The following PKP2 variants were observed in gnomAD, a reference collection of about 807,000 sequenced individuals.
The protein encoded by PKP2 is plakophilin-2.
Under a neutral mutation model 83.4 loss-of-function variants are expected in PKP2, and 73 were observed. The observed-to-expected ratio is 0.88, with a 90% CI of 0.72 to 1.06. PKP2 has a LOEUF of 1.06. PKP2 is among the 50% of genes least tolerant of loss of function. The pLI is 0.00. For synonymous variants in PKP2, 409 were observed against 430.4 expected (o/e 0.95, Z 0.62); for missense variants, 966 against 1,065.4 (o/e 0.91, Z 1.30).
At chr12:32,796,377 G>A (rs1592726531) in intron 10 of PKP2, 79 bp from the exon 11 acceptor site, 1 of 1,250,652 alleles carries the variant, frequency 8.0e-7, no homozygotes, top group East Asian at 2.5e-5. Flanking sequence ...TATTTTGGGT[G>A]AAGAACATTC....
At chr12:32,874,672 A>G (rs1321750285) in intron 3 of PKP2, among the ~76,000 whole-genome samples, 1 of 152,186 alleles carries the variant, frequency 6.6e-6, no homozygotes, top group Non-Finnish European at 1.5e-5. Context: ...TTGAGCAACA[A>G]AAGAACCTAG....
intron 5 of PKP2, among the ~76,000 whole-genome samples, chr12:32,845,317 C>G (rs1956635015): frequency 6.6e-6 from 1 of 151,986 alleles, no homozygotes; most frequent in Admixed American, 6.6e-5. Context: ...TCTGGGAGGC[C>G]GAGGGGGGCG....
chr12:32,817,043 G>C (rs1956326700), intron 9 of PKP2, among the ~76,000 whole-genome samples: 1 of 152,114 alleles, frequency 6.6e-6, no homozygotes, highest in African/African-American at 2.4e-5. Flanking sequence ...TAGGTTGTCT[G>C]TTTACTCTGT....
intron 3 of PKP2, among the ~76,000 whole-genome samples, chr12:32,877,241 A>T (rs1956940339): frequency 6.6e-6 from 1 of 152,244 alleles, no homozygotes; most frequent in South Asian, 2.1e-4. Context: ...CCAAACACTA[A>T]ATTAGTCAAG....
chr12:32,814,879 C>A (rs538814534), intron 9 of PKP2, among the ~76,000 whole-genome samples: 1 of 151,830 alleles, frequency 6.6e-6, no homozygotes, highest in Admixed American at 6.6e-5. Flanking sequence ...GAGCTGAGAT[C>A]GTGCCACTGG....
At chr12:32,807,677 T>C (rs2137738382) in intron 9 of PKP2, among the ~76,000 whole-genome samples, 2 of 152,336 alleles carry the variant, frequency 1.3e-5, no homozygotes, top group Middle Eastern at 6.8e-3. Context: ...GGTTTTTCCT[T>C]TCCACATTTA....
intron 5 of PKP2, chr12:32,843,444 C>G: frequency 3.3e-6 from 2 of 607,928 alleles, no homozygotes; most frequent in Non-Finnish European, 5.8e-6. Context: ...ATAGTTAAAG[C>G]TTGGTAATTA....
chr12:32,814,798 G>A (rs1419482670), intron 9 of PKP2, among the ~76,000 whole-genome samples: 3 of 151,970 alleles, frequency 2.0e-5, no homozygotes, highest in African/African-American at 7.2e-5. Flanking sequence ...GGTGGTTGGC[G>A]CCTGTAATCT....
chr12:32,853,664 C>CCATG (rs1335366623), intron 4 of PKP2, among the ~76,000 whole-genome samples: 3 of 152,260 alleles, frequency 2.0e-5, no homozygotes, highest in South Asian at 4.1e-4. Flanking sequence ...GCGCGCCCTA[C>CCATG]CATGCCCAGC....
intron 4 of PKP2, among the ~76,000 whole-genome samples, chr12:32,867,082 C>CT (rs1391507121): frequency 2.0e-5 from 3 of 152,174 alleles, no homozygotes; most frequent in African/African-American, 7.2e-5. Flanking sequence ...AACCCCAGAA[C>CT]TTTGAGAGGC....
At chr12:32,805,972 T>C (rs1956221681) in intron 9 of PKP2, among the ~76,000 whole-genome samples, 1 of 152,212 alleles carries the variant, frequency 6.6e-6, no homozygotes, top group South Asian at 2.1e-4. Context: ...ATTGAGATCA[T>C]GTGGTTTTTG....
intron 10 of PKP2, among the ~76,000 whole-genome samples, chr12:32,799,440 A>G (rs1956159039): frequency 6.6e-6 from 1 of 152,226 alleles, no homozygotes; most frequent in Non-Finnish European, 1.5e-5. Context: ...CTGGGTATCT[A>G]CCCAAAGGAA....
In PKP2 at chr12:32,877,892, CA is replaced by C. The variant is rs1432861552; in HGVS notation, c.987del (p.Ser329ArgfsTer23). 1.9e-6 allele frequency: 3 copies of C among 1,614,180 alleles called. No homozygotes were observed. The highest frequency in any genetic ancestry group is 1.7e-5 in the Admixed American group (1 of 60,018). ...LTVGQAAAGGSGNLLTERSTF... is the reference protein window; with the variant it reads ...LTVGQAAAGGXGNLLTERSTF... ...GTGCTTCTCTCAGTGAGCAGATTCC[CA>C]CTTCCCCCTGCGGCCGCCTGGCCGA... is the stretch of plus-strand genomic sequence containing the variant. On this transcript the variant is annotated frameshift_variant, in exon 3 of 13. Coordinates refer to ENST00000340811, the MANE Select transcript of PKP2 (RefSeq NM_001005242.3). LOFTEE classifies it high-confidence loss of function.
chr12:32,842,738 A>G (rs895584240), intron 5 of PKP2, among the ~76,000 whole-genome samples: 1 of 149,714 alleles, frequency 6.7e-6, no homozygotes, highest in Non-Finnish European at 1.5e-5. Flanking sequence ...GCGGTGGCGC[A>G]ATCTCGGCTA....
Position 32,896,656 on chromosome 12 carries a change from C to G in PKP2, c.76G>C (p.Asp26His). The change falls in exon 1 of 13, where the codon GAC becomes CAC. Residue 26 changes from aspartate (D) to histidine (H), a missense_variant. Physicochemically the swap from Asp to His is moderately conservative, Grantham distance 81. Coordinates refer to ENST00000340811, the MANE Select transcript of PKP2 (RefSeq NM_001005242.3). Reference sequence around the variant, plus strand: ...GAGGGCAGCGCCAGGCTGGAGCTGTCCAGTTGTCCCAGGATCTGCTGGCCC... The same window carrying G: ...GAGGGCAGCGCCAGGCTGGAGCTGTGCAGTTGTCCCAGGATCTGCTGGCCC... Reference protein sequence around the residue: ...VLGQQILGQLDSSSLALPSEA... With the variant: ...VLGQQILGQLHSSSLALPSEA... 6.4e-7 allele frequency: 1 copy of G among 1,563,192 alleles called. No homozygotes were observed.
At chr12:32,838,281 C>T (rs1232893128) in intron 6 of PKP2, among the ~76,000 whole-genome samples, 3 of 152,008 alleles carry the variant, frequency 2.0e-5, no homozygotes, top group Admixed American at 6.6e-5. Flanking sequence ...ACACTGGGTA[C>T]AAATAGACAC....
chr12:32,804,156 T>C (rs1294583158), intron 9 of PKP2, among the ~76,000 whole-genome samples: 7 of 152,190 alleles, frequency 4.6e-5, no homozygotes, highest in Non-Finnish European at 8.8e-5. Flanking sequence ...AACTGTCCAC[T>C]GTATTTTTTG....
chr12:32,878,214 C>A lies in PKP2; in HGVS notation c.666G>T (p.Gln222His). 6.2e-7 allele frequency: 1 copy of A among 1,614,102 alleles called. No homozygotes were observed. Among genetic ancestry groups the A allele is most frequent in the Non-Finnish European group, 8.5e-7 (1 of 1,180,026 alleles). ...AAACGGTGTCGCTAACAGAGCCATG[C>A]TGGTACTGTCTGTGGTATGTGTCAA... ...RHFDTYHRQY[Q>H]HGSVSDTVFD... The change falls in exon 3 of 13, where the codon CAG (glutamine) becomes CAT (histidine). Residue 222 changes from glutamine (Q) to histidine (H), a missense_variant. By Grantham distance (24) the Gln-to-His change is conservative (BLOSUM62 0). Transcript: ENST00000340811.
chr12:32,826,971 A>C (rs148163066), intron 6 of PKP2, among the ~76,000 whole-genome samples: 2 of 152,228 alleles, frequency 1.3e-5, no homozygotes, highest in Admixed American at 1.3e-4. Context: ...TGCAAATACC[A>C]TATGTCCCCA....
Sources: allele counts gnomAD v4.1 joint callset (sites outside exome capture counted in the v4.1 genomes callset), GRCh38; gene constraint gnomAD v4.1.1; transcripts MANE v1.5; gene names NCBI Gene and HGNC (gene_info 2026-07-23, HGNC 2026-07-21).